ABTB3: variants seen among roughly 807,000 people sequenced by gnomAD.
The protein encoded by ABTB3 is ankyrin repeat- and BTB/POZ domain-containing protein 3.
At chr12:107,569,095 C>T in the ABTB3 span, among the ~76,000 whole-genome samples, 1 of 152,184 alleles carries the variant, frequency 6.6e-6, no homozygotes, top group African/African-American at 2.4e-5. Context: ...CTTCTCAAAG[C>T]CACCACCCAG....
the ABTB3 span, chr12:107,617,704 T>G: frequency 1.5e-5 from 7 of 463,228 alleles, no homozygotes; most frequent in Non-Finnish European, 2.7e-5. Flanking sequence ...TCGGTTTTGC[T>G]CAGGGCACGT....
chr12:107,408,839 T>A, the ABTB3 span, among the ~76,000 whole-genome samples: 1 of 152,220 alleles, frequency 6.6e-6, no homozygotes, highest in Admixed American at 6.5e-5. Context: ...AAGTGTTAAC[T>A]GAGATTGAAC....
the ABTB3 span, among the ~76,000 whole-genome samples, chr12:107,448,158 A>G: frequency 2.6e-5 from 4 of 152,354 alleles, no homozygotes; most frequent in South Asian, 2.1e-4. Context: ...CAGATGATCA[A>G]TTGATCATCT....
chr12:107,493,539 A>G, the ABTB3 span, among the ~76,000 whole-genome samples: 2 of 152,228 alleles, frequency 1.3e-5, no homozygotes, highest in East Asian at 1.9e-4. Flanking sequence ...TTGAGGACCC[A>G]TTTTGTGCTT....
the ABTB3 span, among the ~76,000 whole-genome samples, chr12:107,500,034 A>G: frequency 1.3e-5 from 2 of 152,234 alleles, no homozygotes; most frequent in South Asian, 4.2e-4. Flanking sequence ...TCCCACTCTC[A>G]TGAGAACAGC....
chr12:107,534,419 A>G, the ABTB3 span, among the ~76,000 whole-genome samples: 1 of 152,092 alleles, frequency 6.6e-6, no homozygotes, highest in Non-Finnish European at 1.5e-5. Context: ...GCAAACCCAA[A>G]ATTAGGGGAA....
chr12:107,642,123 T>C, the ABTB3 span: 6 of 1,613,952 alleles, frequency 3.7e-6, no homozygotes, highest in African/African-American at 4.0e-5. Flanking sequence ...AGCCGACAAA[T>C]GATGGCACCT....
the ABTB3 span, among the ~76,000 whole-genome samples, chr12:107,638,238 G>T: frequency 6.6e-6 from 1 of 152,124 alleles, no homozygotes; most frequent in Non-Finnish European, 1.5e-5. Context: ...AAGGTGAGTG[G>T]AGGACCACCA....
the ABTB3 span, chr12:107,318,965 G>A: frequency 6.2e-7 from 1 of 1,613,004 alleles, no homozygotes; most frequent in African/African-American, 1.3e-5. Context: ...TAAGAAGCCC[G>A]TGGTGAGAAC....
At chr12:107,346,954 T>C in the ABTB3 span, among the ~76,000 whole-genome samples, 16 of 152,214 alleles carry the variant, frequency 1.1e-4, no homozygotes, top group African/African-American at 3.9e-4. Flanking sequence ...GGGGTATTTT[T>C]ATGTGATGTT....
At chr12:107,646,674 G>C in the ABTB3 span, among the ~76,000 whole-genome samples, 16 of 152,172 alleles carry the variant, frequency 1.1e-4, no homozygotes, top group African/African-American at 3.6e-4. Flanking sequence ...AACACAGACA[G>C]GCGAGGATTC....
the ABTB3 span, chr12:107,520,470 C>T: frequency 6.2e-7 from 1 of 1,610,656 alleles, no homozygotes; most frequent in East Asian, 2.2e-5. Context: ...CATTCTCTGT[C>T]TCCCTTCTGA....
chr12:107,560,195 C>T, the ABTB3 span, among the ~76,000 whole-genome samples: 1 of 152,100 alleles, frequency 6.6e-6, no homozygotes, highest in Non-Finnish European at 1.5e-5. Flanking sequence ...CTCCAGGGTT[C>T]GTGGCCATTT....
the ABTB3 span, among the ~76,000 whole-genome samples, chr12:107,600,902 G>A: frequency 6.6e-6 from 1 of 152,192 alleles, no homozygotes. Flanking sequence ...TAGAACAATT[G>A]GAAAAGGACT....
At chr12:107,388,645 C>T in the ABTB3 span, among the ~76,000 whole-genome samples, 1 of 152,020 alleles carries the variant, frequency 6.6e-6, no homozygotes, top group Non-Finnish European at 1.5e-5. Flanking sequence ...CTGGGCCAGC[C>T]ATCCTGGAGC....
At chr12:107,366,956 G>A in the ABTB3 span, among the ~76,000 whole-genome samples, 1 of 152,180 alleles carries the variant, frequency 6.6e-6, no homozygotes, top group Non-Finnish European at 1.5e-5. Flanking sequence ...AACTTGTAGG[G>A]TTCCCCACTT....
chr12:107,506,853 C>T, the ABTB3 span, among the ~76,000 whole-genome samples: 4 of 152,172 alleles, frequency 2.6e-5, no homozygotes, highest in Non-Finnish European at 4.4e-5. Context: ...CATGAGAATA[C>T]ATAGAAAGTT....
At chr12:107,319,894 CGCCGCGGCCGCCGCAGTCCCGCCGGCA>C in the ABTB3 span, 16 of 1,354,374 alleles carry the variant, frequency 1.2e-5, no homozygotes, top group Admixed American at 5.5e-5. Flanking sequence ...CCCCGCCGGC[CGCCGCGGCCGCCGCAGTCCCGCCGGCA>C]GCCGCCGCCA....
At chr12:107,617,206 T>A in the ABTB3 span, 5 of 1,613,902 alleles carry the variant, frequency 3.1e-6, no homozygotes, top group Non-Finnish European at 4.2e-6. Flanking sequence ...GTTCTCACCC[T>A]GGCCAGGGAG....
Sources: gnomAD v4.1 joint callset for allele counts (sites outside exome capture counted in the v4.1 genomes callset) on GRCh38, gnomAD v4.1.1 for gene constraint, MANE v1.5 for transcripts, NCBI Gene and HGNC (gene_info 2026-07-23, HGNC 2026-07-21) for gene names.